RIMS2: variants seen among roughly 807,000 people sequenced by gnomAD.
RIMS2 encodes regulating synaptic membrane exocytosis 2.
A neutral mutation model predicts 174.4 loss-of-function variants in RIMS2; 59 were observed. The observed-to-expected ratio is 0.34, with a 90% confidence interval of 0.27 to 0.42. The LOEUF (loss-of-function observed/expected upper bound fraction) is 0.42, where lower values mean the gene tolerates loss of function less well. Ranked by LOEUF, RIMS2 falls within the 10% of genes least tolerant of loss-of-function variation. RIMS2 has a pLI of 1.00. For missense variants in RIMS2, 1,620 were observed against 1,666.3 expected (o/e 0.97, Z 0.48); for synonymous variants, 606 against 572.5 (o/e 1.06, Z -0.84).
chr8:103,629,060 G>T (rs543816924), intron 1 of RIMS2, among the ~76,000 whole-genome samples: 3 of 152,104 alleles, frequency 2.0e-5, no homozygotes, highest in African/African-American at 7.2e-5. Context: ...GTTCCCAGAT[G>T]CAGGCTCTCA....
chr8:103,853,782 G>A (rs1332298116), intron 3 of RIMS2, among the ~76,000 whole-genome samples: 1 of 152,084 alleles, frequency 6.6e-6, no homozygotes, highest in Non-Finnish European at 1.5e-5. Flanking sequence ...TTTGGTTACT[G>A]TAGAATTATT....
chr8:104,173,719 C>T (rs2098846621), intron 19 of RIMS2, among the ~76,000 whole-genome samples: 1 of 138,488 alleles, frequency 7.2e-6, no homozygotes, highest in Non-Finnish European at 1.5e-5. Context: ...AGCTCCACCT[C>T]CCGGGTTCAC....
chr8:104,150,197 TAA>T lies in RIMS2; in HGVS notation c.3335-94717_3335-94716del. ...GTCAATCTAAAACTTCTCTAAAAAA[TAA>T]AGTCTACTAATTTTTTTTAAATTAG... On this transcript the variant is annotated intron_variant, in intron 19 of 23. Coordinates refer to ENST00000504942, the Ensembl canonical transcript of RIMS2. 2.6e-5 allele frequency among the ~76,000 whole-genome samples: 4 copies of T among 152,250 alleles called. 1 individual carries two copies. The highest frequency in any genetic ancestry group is 2.6e-4 in the Admixed American group (4 of 15,286).
At chr8:103,664,431 GA>G (rs1408135494) in intron 1 of RIMS2, among the ~76,000 whole-genome samples, 1 of 151,298 alleles carries the variant, frequency 6.6e-6, no homozygotes, top group East Asian at 1.9e-4. Context: ...AGATTTACAA[GA>G]AAAAAAACAA....
chr8:103,968,867 A>T (rs1188336864), intron 15 of RIMS2, among the ~76,000 whole-genome samples: 1 of 151,998 alleles, frequency 6.6e-6, no homozygotes, highest in African/African-American at 2.4e-5. Context: ...CTAAAAAAAA[A>T]TTACTTTAAT....
rs376207656 is a variant in RIMS2, at chr8:103,614,619, G to A, written c.177-82467G>A. Among the ~76,000 whole-genome samples, 20 of 152,284 alleles carry A rather than the reference G, an allele frequency of 1.3e-4. No homozygotes were observed. The East Asian group carries it at 1.9e-3, about 15-fold the overall frequency. On this transcript the variant is annotated intron_variant, in intron 1 of 23. Coordinates refer to ENST00000504942, the Ensembl canonical transcript of RIMS2. ...GTCTTCTGTTCTGCCATCTTGCTCC[G>A]CCTTCCTCCAGAGCTTGTATTCTCA... is the stretch of plus-strand genomic sequence containing the variant.
At chr8:103,527,138 G>A (rs868731690) in intron 1 of RIMS2, among the ~76,000 whole-genome samples, 35 of 152,108 alleles carry the variant, frequency 2.3e-4, no homozygotes, top group African/African-American at 8.0e-4. Flanking sequence ...CGCACAGTTA[G>A]CATTTTATGT....
At chr8:104,214,996 G>A (rs187185075) in intron 19 of RIMS2, among the ~76,000 whole-genome samples, 145 of 152,192 alleles carry the variant, frequency 9.5e-4, no homozygotes, top group African/African-American at 3.4e-3. Flanking sequence ...AATTTGTAAT[G>A]CTTTGACAGA....
At chr8:103,899,373 T>C (rs1238707901) in intron 4 of RIMS2, among the ~76,000 whole-genome samples, 1 of 151,730 alleles carries the variant, frequency 6.6e-6, no homozygotes, top group Non-Finnish European at 1.5e-5. Context: ...CCACATCCTC[T>C]CCAGCACCTG....
chr8:103,628,447 C>T (rs186343776), intron 1 of RIMS2, among the ~76,000 whole-genome samples: 208 of 151,630 alleles, frequency 1.4e-3, no homozygotes, highest in African/African-American at 4.5e-3. Flanking sequence ...CTCCGCCTCC[C>T]GGTTTCAGGC....
At chr8:103,652,790 C>T (rs2096475869) in intron 1 of RIMS2, 80 bp downstream of exon 3, 1 of 848,642 alleles carries the variant, frequency 1.2e-6, no homozygotes, top group Non-Finnish European at 1.7e-6. Flanking sequence ...AAATACTGTC[C>T]TTGAAATAGT....
At chr8:103,810,886 A>T (rs781493319) in intron 3 of RIMS2, among the ~76,000 whole-genome samples, 2 of 152,242 alleles carry the variant, frequency 1.3e-5, no homozygotes, top group Non-Finnish European at 2.9e-5. Flanking sequence ...ATGTTATTCC[A>T]TAATATTTCA....
intron 19 of RIMS2, among the ~76,000 whole-genome samples, chr8:104,151,634 A>C (rs888358562): frequency 6.6e-6 from 1 of 152,098 alleles, no homozygotes; most frequent in African/African-American, 2.4e-5. Context: ...TGAGTCTTTG[A>C]TTTATGAAAT....
intron 13 of RIMS2, among the ~76,000 whole-genome samples, chr8:103,940,160 G>A (rs1417062997): frequency 1.3e-5 from 2 of 152,062 alleles, no homozygotes; most frequent in Non-Finnish European, 2.9e-5. Flanking sequence ...TCATGCTGCT[G>A]ATAAAGACAT....
chr8:104,101,939 CTG>C (rs2097911420), intron 19 of RIMS2, among the ~76,000 whole-genome samples: 1 of 152,138 alleles, frequency 6.6e-6, no homozygotes, highest in African/African-American at 2.4e-5. Context: ...CTGGCCACCT[CTG>C]TCTTCTTTGT....
intron 3 of RIMS2, among the ~76,000 whole-genome samples, chr8:103,778,475 T>A (rs965318335): frequency 3.3e-5 from 5 of 152,138 alleles, no homozygotes; most frequent in African/African-American, 7.2e-5. Context: ...TGAGATCCAC[T>A]TTTGTAGTTC....
chr8:103,538,842 C>T (rs1841155573), intron 1 of RIMS2, among the ~76,000 whole-genome samples: 2 of 152,236 alleles, frequency 1.3e-5, no homozygotes. Context: ...TTTGCGTCCT[C>T]ATAGCTTAGC....
At chr8:104,117,948 T>A (rs2098306045) in intron 19 of RIMS2, among the ~76,000 whole-genome samples, 1 of 152,148 alleles carries the variant, frequency 6.6e-6, no homozygotes, top group South Asian at 2.1e-4. Flanking sequence ...TTAGTGAGAT[T>A]TATGTTATGA....
In RIMS2 at chr8:103,870,667, AC is replaced by A. The variant is rs539539409; in HGVS notation, c.699-14630del. Among the ~76,000 whole-genome samples the A allele has an allele frequency of 3.9e-5, 6 of 152,142 alleles. No individual in the cohort carries two copies. In the South Asian group the frequency reaches 1.0e-3, roughly 26 times the overall value. ...CATTTTGCCCCTCAAGAAAAAAAAA[AC>A]ATAGTTAATGTTTATTTTTTTCTTA... On this transcript the variant is annotated intron_variant, in intron 3 of 23. Transcript: ENST00000504942.
Sources: gnomAD v4.1 joint callset for allele counts (sites outside exome capture counted in the v4.1 genomes callset) on GRCh38, gnomAD v4.1.1 for gene constraint, MANE v1.5 for transcripts, NCBI Gene and HGNC (gene_info 2026-07-23, HGNC 2026-07-21) for gene names.